ARHGEF10L: variants seen among roughly 807,000 people sequenced by gnomAD.
The protein encoded by ARHGEF10L is rho guanine nucleotide exchange factor 10-like protein.
In ARHGEF10L, 69 loss-of-function variants were observed where a neutral mutation model predicts 141.2. The observed-to-expected ratio is 0.49, with a 90% CI of 0.40 to 0.60. The LOEUF (loss-of-function observed/expected upper bound fraction) is 0.60, where lower values mean the gene tolerates loss of function less well. ARHGEF10L is among the 20% of genes least tolerant of loss of function. The probability of loss-of-function intolerance (pLI) is 0.00; values close to 1 mark genes in which losing one functional copy is unlikely to be tolerated. For synonymous variants in ARHGEF10L, 711 were observed against 718.5 expected (o/e 0.99, Z 0.17); for missense variants, 1,482 against 1,734.3 (o/e 0.85, Z 2.58).
At chr1:17,679,717 C>A (rs774785165) in intron 26 of ARHGEF10L, among the ~76,000 whole-genome samples, 1 of 152,212 alleles carries the variant, frequency 6.6e-6, no homozygotes, top group East Asian at 1.9e-4. Context: ...GCGGACGTGA[C>A]CCCGGGTCTG....
chr1:17,520,891 T>A, the ARHGEF10L span, among the ~76,000 whole-genome samples: 1 of 152,204 alleles, frequency 6.6e-6, no homozygotes, highest in Non-Finnish European at 1.5e-5. Flanking sequence ...GGTGGATTGA[T>A]GCATTGGTGC....
chr1:17,674,957 C>A (rs1241415931), intron 26 of ARHGEF10L, among the ~76,000 whole-genome samples: 1 of 152,116 alleles, frequency 6.6e-6, no homozygotes, highest in East Asian at 1.9e-4. Flanking sequence ...ACAAAATTGC[C>A]TAATGATGCC....
At chr1:17,672,918 G>A (rs1346572049) in intron 26 of ARHGEF10L, among the ~76,000 whole-genome samples, 2 of 152,122 alleles carry the variant, frequency 1.3e-5, no homozygotes, top group East Asian at 3.9e-4. Context: ...GTCTTGTGGG[G>A]CAGTAGATGG....
chr1:17,607,759 T>C lies in ARHGEF10L; in HGVS notation c.434-43T>C. The C allele has an allele frequency of 2.7e-6, 4 of 1,467,084 alleles. No homozygotes were observed. The highest frequency in any genetic ancestry group is 3.6e-6 in the Non-Finnish European group (4 of 1,111,392). The allele number at this position is 1,467,084 out of a possible 1,614,324, so 90.9% of individuals were successfully genotyped here. On this transcript the variant is annotated intron_variant, in intron 6 of 28. Transcript: ENST00000361221. The surrounding 1 kb of genome is among the most constrained non-coding windows in gnomAD (Gnocchi z 4.5). ...TCTGAGGCTGGAAGTCTGGTAGGCTTGGCCTCAGGGCCTGGGCTCACCGGC... is the reference window on the plus strand; with the variant it reads ...TCTGAGGCTGGAAGTCTGGTAGGCTCGGCCTCAGGGCCTGGGCTCACCGGC...
chr1:17,694,549 A>T (rs539144166), intron 27 of ARHGEF10L: 202 of 231,462 alleles, frequency 8.7e-4, no homozygotes, highest in Non-Finnish European at 1.4e-3. Flanking sequence ...CTGGACTGGC[A>T]TCAGAAACAT....
chr1:17,682,888 T>C (rs1396249658), intron 26 of ARHGEF10L, among the ~76,000 whole-genome samples: 1 of 152,106 alleles, frequency 6.6e-6, no homozygotes, highest in Non-Finnish European at 1.5e-5. Context: ...GGCCTGGGAT[T>C]GGGGTGCTGG....
intron 7 of ARHGEF10L, among the ~76,000 whole-genome samples, chr1:17,608,807 C>A (rs1417591190): frequency 6.6e-6 from 1 of 152,138 alleles, no homozygotes. Context: ...TCTTTTGAGG[C>A]AGAGTCTCAC....
intron 26 of ARHGEF10L, among the ~76,000 whole-genome samples, chr1:17,681,634 C>T (rs994037790): frequency 4.6e-5 from 7 of 152,056 alleles, no homozygotes; most frequent in Non-Finnish European, 1.5e-5. Context: ...GGCTGGGGGT[C>T]AGGGGAGCCC....
At chr1:17,624,777 C>T (rs1219613363) in intron 13 of ARHGEF10L, among the ~76,000 whole-genome samples, 6 of 152,210 alleles carry the variant, frequency 3.9e-5, no homozygotes, top group Admixed American at 3.3e-4. Flanking sequence ...CCTTTGCCTC[C>T]TGTGCCCTGG....
intron 1 of ARHGEF10L, among the ~76,000 whole-genome samples, chr1:17,554,840 C>T (rs536851400): frequency 1.3e-5 from 2 of 152,276 alleles, no homozygotes; most frequent in South Asian, 4.1e-4. Flanking sequence ...GTCTTTCTGC[C>T]TTGGCCTCCC....
chr1:17,696,744 C>G, intron 28 of ARHGEF10L, 104 bp from the exon 29 acceptor site: 2 of 1,231,708 alleles, frequency 1.6e-6, no homozygotes, highest in South Asian at 3.7e-5. Context: ...AGAAGTGACC[C>G]CCCCAAATAC....
intron 26 of ARHGEF10L, among the ~76,000 whole-genome samples, chr1:17,670,445 T>C (rs568608075): frequency 1.3e-5 from 2 of 152,334 alleles, no homozygotes; most frequent in Middle Eastern, 3.4e-3. Context: ...CAAAGTCTAA[T>C]CCAGTCGTTT....
intron 1 of ARHGEF10L, among the ~76,000 whole-genome samples, chr1:17,541,092 C>T (rs2076710771): frequency 6.6e-6 from 1 of 152,178 alleles, no homozygotes; most frequent in African/African-American, 2.4e-5. Context: ...AGGAAGGCTT[C>T]CTGGGGTGCC....
intron 4 of ARHGEF10L, among the ~76,000 whole-genome samples, chr1:17,595,753 C>T (rs2080033155): frequency 6.6e-6 from 1 of 152,130 alleles, no homozygotes. Flanking sequence ...GGAAGCAGCA[C>T]ACACGAGGCC....
At chr1:17,567,677 AT>A (rs2077818765) in intron 1 of ARHGEF10L, among the ~76,000 whole-genome samples, 1 of 152,076 alleles carries the variant, frequency 6.6e-6, no homozygotes, top group Admixed American at 6.6e-5. Context: ...CTAGCAGAAT[AT>A]TTTTTGAGAT....
chr1:17,637,585 G>A (rs2061080677), intron 18 of ARHGEF10L, among the ~76,000 whole-genome samples: 1 of 151,822 alleles, frequency 6.6e-6, no homozygotes, highest in South Asian at 2.1e-4. Flanking sequence ...TGCAAGCTCC[G>A]CCTCCCAGGT....
rs2062736989 is a variant in ARHGEF10L at position 17,663,148 on chromosome 1, G to A, written c.2861-1299G>A. On this transcript the variant is annotated intron_variant, in intron 25 of 28. Transcript: ENST00000361221. ...GCGCCGCTTGGATGCCGGAGAAAAT[G>A]GTTCTTGGGTGCGCTGATCATCCCA... Among the ~76,000 whole-genome samples the A allele has an allele frequency of 2.0e-5, 3 of 152,200 alleles. No homozygotes were observed. In the South Asian group the frequency reaches 6.2e-4, roughly 32 times the overall value.
chr1:17,677,672 G>A (rs994184348), intron 26 of ARHGEF10L, among the ~76,000 whole-genome samples: 2 of 152,198 alleles, frequency 1.3e-5, no homozygotes, highest in Non-Finnish European at 2.9e-5. Flanking sequence ...GCTGCTTTGA[G>A]CTCTCCATTA....
intron 11 of ARHGEF10L, among the ~76,000 whole-genome samples, chr1:17,622,584 C>A (rs2060162104): frequency 6.6e-6 from 1 of 152,108 alleles, no homozygotes; most frequent in African/African-American, 2.4e-5. Context: ...AGGCATCAGG[C>A]AGGTAGAGAT....
Sources: allele counts gnomAD v4.1 joint callset (sites outside exome capture counted in the v4.1 genomes callset), GRCh38; gene constraint gnomAD v4.1.1; non-coding constraint Gnocchi (gnomAD v3.1); transcripts MANE v1.5; gene names NCBI Gene and HGNC (gene_info 2026-07-23, HGNC 2026-07-21).